Variants in LGR4 observed in about 807,000 individuals in gnomAD.
LGR4 encodes the protein leucine-rich repeat-containing G protein-coupled receptor 4.
Under a neutral mutation model 84.8 loss-of-function variants are expected in LGR4, and 44 were observed. That is an observed-to-expected ratio of 0.52 (90% CI 0.41 to 0.67). The LOEUF (loss-of-function observed/expected upper bound fraction) is 0.67, where lower values mean the gene tolerates loss of function less well. LGR4 is among the 30% of genes least tolerant of loss of function. The pLI, the probability that LGR4 is intolerant of heterozygous loss-of-function variation, is 0.00. For synonymous variants in LGR4, 429 were observed against 434.3 expected, an observed-to-expected ratio of 0.99 and a Z score of 0.15; for missense variants, 1,032 against 1,131.4, an observed-to-expected ratio of 0.91 and a Z score of 1.26.
intron 11 of LGR4, among the ~76,000 whole-genome samples, chr11:27,378,026 A>G (rs1328329162): frequency 6.6e-6 from 1 of 152,202 alleles, no homozygotes; most frequent in African/African-American, 2.4e-5. Context: ...ATTATATCAT[A>G]TAGCCCAGGT....
rs999527631 is a variant in LGR4, at chr11:27,367,863, T to C, written c.*4A>G. The C allele has an allele frequency of 4.4e-6, 7 of 1,573,910 alleles. No individual in the cohort carries two copies. Among genetic ancestry groups the C allele is most frequent in the South Asian group, 3.6e-5 (3 of 83,406 alleles). Reference sequence around the variant, plus strand: ...ACGGGGGAAACGGTTACACACACAGTAGTTCAGTCTTTAACTCTTGGTAGA... The same window carrying C: ...ACGGGGGAAACGGTTACACACACAGCAGTTCAGTCTTTAACTCTTGGTAGA... On this transcript the variant is annotated 3_prime_UTR_variant, in exon 18 of 18. Coordinates refer to ENST00000379214, the MANE Select transcript of LGR4 (RefSeq NM_018490.5).
intron 1 of LGR4, among the ~76,000 whole-genome samples, chr11:27,459,128 T>C (rs1286372208): frequency 3.3e-5 from 5 of 152,220 alleles, no homozygotes; most frequent in Non-Finnish European, 5.9e-5. Context: ...ATTCAGCTTA[T>C]GTTCAGTAAT....
chr11:27,459,172 GA>G (rs1864629658), intron 1 of LGR4, among the ~76,000 whole-genome samples: 1 of 152,116 alleles, frequency 6.6e-6, no homozygotes, highest in African/African-American at 2.4e-5. Flanking sequence ...ACTTCTAGAA[GA>G]GATGTCTATA....
intron 1 of LGR4, among the ~76,000 whole-genome samples, chr11:27,462,187 AAGTC>A (rs2133455738): frequency 6.6e-6 from 1 of 152,222 alleles, no homozygotes; most frequent in South Asian, 2.1e-4. Flanking sequence ...TGGAAGTAGA[AAGTC>A]AGTATCTACA....
intron 1 of LGR4, among the ~76,000 whole-genome samples, chr11:27,461,836 A>ATTT (rs35205372): frequency 0.021 from 1,624 of 76,476 alleles, 38 homozygotes; most frequent in Middle Eastern, 0.026. Flanking sequence ...TTGAGTTAGG[A>ATTT]TTTTTTTTTT....
At chr11:27,462,079 C>T (rs1458237911) in intron 1 of LGR4, among the ~76,000 whole-genome samples, 2 of 151,930 alleles carry the variant, frequency 1.3e-5, no homozygotes, top group South Asian at 4.2e-4. Flanking sequence ...GTAATCTACC[C>T]GCCTCGGCCT....
At chr11:27,415,583 A>G (rs1161117165) in intron 1 of LGR4, among the ~76,000 whole-genome samples, 2 of 152,148 alleles carry the variant, frequency 1.3e-5, no homozygotes, top group Admixed American at 1.3e-4. Flanking sequence ...ACACACGGTG[A>G]GTTTTTATTT....
chr11:27,465,252 G>A (rs1472056243), intron 1 of LGR4, among the ~76,000 whole-genome samples: 3 of 152,192 alleles, frequency 2.0e-5, no homozygotes, highest in Non-Finnish European at 4.4e-5. Context: ...TTTCATGACA[G>A]AAAGCTAAGA....
intron 1 of LGR4, among the ~76,000 whole-genome samples, chr11:27,467,192 T>C (rs1191918418): frequency 6.6e-6 from 1 of 151,830 alleles, no homozygotes; most frequent in Non-Finnish European, 1.5e-5. Context: ...ACTGGAAGAG[T>C]CTCCTGGGTT....
intron 1 of LGR4, among the ~76,000 whole-genome samples, chr11:27,413,442 C>T (rs954356496): frequency 3.3e-5 from 5 of 152,216 alleles, no homozygotes; most frequent in Non-Finnish European, 5.9e-5. Flanking sequence ...CCCTTAAGAG[C>T]GTCCGCAGAA....
At chr11:27,399,746 T>C (rs1194893444) in intron 2 of LGR4, among the ~76,000 whole-genome samples, 2 of 152,162 alleles carry the variant, frequency 1.3e-5, no homozygotes, top group African/African-American at 4.8e-5. Context: ...CTCAAACTCC[T>C]GACCTCAGGT....
intron 1 of LGR4, among the ~76,000 whole-genome samples, chr11:27,443,981 T>C (rs1044358654): frequency 3.3e-5 from 5 of 152,148 alleles, no homozygotes; most frequent in Non-Finnish European, 7.4e-5. Context: ...CCCTGTAGCA[T>C]TTTCCTTTTT....
chr11:27,384,464 C>A, intron 5 of LGR4, 57 bp from the exon 6 acceptor site: 1 of 1,192,134 alleles, frequency 8.4e-7, no homozygotes, highest in South Asian at 1.2e-5. Context: ...CAACTATTAT[C>A]ATTGTTTTAT....
At chr11:27,435,539 G>A (rs1864192891) in intron 1 of LGR4, among the ~76,000 whole-genome samples, 1 of 151,422 alleles carries the variant, frequency 6.6e-6, no homozygotes, top group Non-Finnish European at 1.5e-5. Context: ...CCAGGCTGGA[G>A]TGCAGTGGTG....
Position 27,368,365 on chromosome 11 carries a change from A to C in LGR4, c.2358T>G (p.Thr786=). 6.2e-7 allele frequency: 1 copy of C among 1,614,124 alleles called. No homozygotes were observed. Among genetic ancestry groups the C allele is most frequent in the Non-Finnish European group, 8.5e-7 (1 of 1,179,950 alleles). The part of the protein sequence containing the change: ...SISPEIMKSV[T]LIFFPLPACL... ...AAGCAGGCAATGGAAAAAATATCAGAGTAACAGACTTCATTATTTCGGGGC... is the reference window on the plus strand; with the variant it reads ...AAGCAGGCAATGGAAAAAATATCAGCGTAACAGACTTCATTATTTCGGGGC... The change falls in exon 18 of 18, where the codon ACT becomes ACG. Residue 786 remains threonine, a synonymous_variant. Transcript: ENST00000379214.
intron 1 of LGR4, among the ~76,000 whole-genome samples, chr11:27,454,793 T>G (rs1263171934): frequency 6.7e-6 from 1 of 150,326 alleles, no homozygotes; most frequent in Non-Finnish European, 1.5e-5. Flanking sequence ...ATTATTTGCA[T>G]TAAACATTTT....
At chr11:27,408,484 T>G (rs1476234473) in intron 2 of LGR4, among the ~76,000 whole-genome samples, 1 of 152,108 alleles carries the variant, frequency 6.6e-6, no homozygotes, top group Non-Finnish European at 1.5e-5. Flanking sequence ...CAGCAATTTT[T>G]TCAGTGACAG....
chr11:27,424,052 A>G (rs1023942367), intron 1 of LGR4, among the ~76,000 whole-genome samples: 1 of 152,230 alleles, frequency 6.6e-6, no homozygotes, highest in African/African-American at 2.4e-5. Flanking sequence ...AAATTTCTCA[A>G]TTCTGCAGTT....
chr11:27,457,240 G>C (rs1315237897), intron 1 of LGR4, among the ~76,000 whole-genome samples: 1 of 152,122 alleles, frequency 6.6e-6, no homozygotes, highest in Admixed American at 6.5e-5. Flanking sequence ...GTATAGGTAG[G>C]CCCAGCAATT....
Sources: allele counts gnomAD v4.1 joint callset (sites outside exome capture counted in the v4.1 genomes callset), GRCh38; gene constraint gnomAD v4.1.1; transcripts MANE v1.5; gene names NCBI Gene and HGNC (gene_info 2026-07-23, HGNC 2026-07-21).